Variants in FRMD4A observed in about 807,000 individuals in gnomAD.
The protein encoded by FRMD4A is FERM domain-containing protein 4A.
In FRMD4A, 29 loss-of-function variants were observed where a neutral mutation model predicts 129.1. The ratio of observed to expected loss-of-function variants is 0.22; its 90% CI spans 0.17 to 0.31. The LOEUF is 0.31. Ranked by LOEUF, FRMD4A falls within the 10% of genes least tolerant of loss-of-function variation. The probability of loss-of-function intolerance (pLI) is 1.00; values close to 1 mark genes in which losing one functional copy is unlikely to be tolerated. For missense variants in FRMD4A, 1,272 were observed against 1,375.8 expected, an observed-to-expected ratio of 0.92 and a Z score of 1.19; for synonymous variants, 634 against 571.6, an observed-to-expected ratio of 1.11 and a Z score of -1.56.
intron 2 of FRMD4A, among the ~76,000 whole-genome samples, chr10:14,259,116 A>G (rs1298815180): frequency 6.6e-6 from 1 of 152,172 alleles, no homozygotes; most frequent in Non-Finnish European, 1.5e-5. Context: ...CTCTTCAAAA[A>G]CTGTATACTT....
intron 6 of FRMD4A, among the ~76,000 whole-genome samples, chr10:13,781,697 G>T (rs916409531): frequency 2.0e-5 from 3 of 152,082 alleles, no homozygotes; most frequent in African/African-American, 7.2e-5. Flanking sequence ...GAACCTTGAG[G>T]CCATTATGCT....
At chr10:13,899,653 AC>A (rs2094797202) in intron 2 of FRMD4A, among the ~76,000 whole-genome samples, 3 of 152,188 alleles carry the variant, frequency 2.0e-5, no homozygotes, top group Non-Finnish European at 4.4e-5. Context: ...CCAGAGCGAG[AC>A]CCTGTCTCTA....
At chr10:14,110,812 G>T (rs1181196940) in intron 2 of FRMD4A, among the ~76,000 whole-genome samples, 1 of 151,936 alleles carries the variant, frequency 6.6e-6, no homozygotes, top group South Asian at 2.1e-4. Context: ...AAATTTTTTA[G>T]TTCTGTGTAT....
At chr10:13,841,192 T>C (rs922610345) in intron 3 of FRMD4A, among the ~76,000 whole-genome samples, 8 of 152,202 alleles carry the variant, frequency 5.3e-5, no homozygotes, top group African/African-American at 1.7e-4. Flanking sequence ...CATTAACTTT[T>C]GTCTTGTTTC....
At chr10:13,654,811 G>A (rs74123084) in intron 22 of FRMD4A, 14,347 of 460,392 alleles carry the variant, frequency 0.031, 1,095 homozygotes, top group African/African-American at 0.19. Flanking sequence ...GCCACCAGGA[G>A]GTAGGCATAG....
chr10:14,326,949 G>A (rs772810545), intron 2 of FRMD4A: 2 of 398,562 alleles, frequency 5.0e-6, no homozygotes, highest in Non-Finnish European at 8.8e-6. Flanking sequence ...TTCTCTCCAA[G>A]TCCCCCCTTC....
intron 2 of FRMD4A, among the ~76,000 whole-genome samples, chr10:14,300,210 T>A (rs1250210785): frequency 6.6e-6 from 1 of 152,108 alleles, no homozygotes; most frequent in Admixed American, 6.5e-5. Context: ...AGTCCCCAGG[T>A]CTTCTCCAGG....
intron 6 of FRMD4A, among the ~76,000 whole-genome samples, chr10:13,767,197 T>G (rs1433100705): frequency 6.6e-6 from 1 of 152,158 alleles, no homozygotes; most frequent in South Asian, 2.1e-4. Context: ...AAAATGACTC[T>G]CCCTTTTCCT....
rs1001888445 is a variant in FRMD4A, at chr10:14,168,931, C to T, written c.45+161127G>A. Among the ~76,000 whole-genome samples, 4 of 149,346 alleles carry T rather than the reference C, an allele frequency of 2.7e-5. No individual in the cohort carries two copies. In the East Asian group the frequency reaches 7.9e-4, roughly 30 times the overall value. ...AAATAAACTGTCCTGTAGCCCTCAA[C>T]AGTCTTCCCGTAATTCACAGATGCC... On this transcript the variant is annotated intron_variant, in intron 2 of 24. Coordinates refer to ENST00000357447, the MANE Select transcript of FRMD4A (RefSeq NM_018027.5).
At chr10:13,714,900 G>A (rs577214186) in intron 12 of FRMD4A, among the ~76,000 whole-genome samples, 2 of 151,902 alleles carry the variant, frequency 1.3e-5, no homozygotes, top group South Asian at 2.1e-4. Context: ...TTAGCTGGGC[G>A]TGGTGGCTCA....
At chr10:14,312,853 G>A (rs1016282377) in intron 2 of FRMD4A, among the ~76,000 whole-genome samples, 2 of 151,744 alleles carry the variant, frequency 1.3e-5, no homozygotes, top group African/African-American at 4.8e-5. Context: ...GCAACAGAGT[G>A]AGACCCTGTC....
chr10:13,944,220 T>G (rs2095315143), intron 2 of FRMD4A, among the ~76,000 whole-genome samples: 1 of 152,130 alleles, frequency 6.6e-6, no homozygotes, highest in South Asian at 2.1e-4. Flanking sequence ...CACTCCCCAT[T>G]GCTCACATTA....
intron 12 of FRMD4A, among the ~76,000 whole-genome samples, chr10:13,711,047 C>A (rs1589490523): frequency 6.6e-6 from 1 of 152,090 alleles, no homozygotes. Flanking sequence ...GTCCCAGGAA[C>A]AGAAGAGAAG....
At chr10:14,216,125 T>G (rs1183516548) in intron 2 of FRMD4A, among the ~76,000 whole-genome samples, 1 of 152,154 alleles carries the variant, frequency 6.6e-6, no homozygotes, top group African/African-American at 2.4e-5. Flanking sequence ...CCCCACCAGC[T>G]TTGTACAAAC....
intron 2 of FRMD4A, among the ~76,000 whole-genome samples, chr10:14,263,451 A>T (rs1844873734): frequency 6.6e-6 from 1 of 152,120 alleles, no homozygotes. Context: ...AATTTCAAGA[A>T]GTGCATCCAT....
At chr10:13,734,640 G>A (rs1322927331) in intron 12 of FRMD4A, among the ~76,000 whole-genome samples, 1 of 126,076 alleles carries the variant, frequency 7.9e-6, no homozygotes, top group Non-Finnish European at 1.8e-5. Flanking sequence ...CCTCTGTGGG[G>A]ACTTCTCTTC....
chr10:13,816,443 C>T (rs567156321), intron 3 of FRMD4A, among the ~76,000 whole-genome samples: 5 of 152,302 alleles, frequency 3.3e-5, no homozygotes, highest in Admixed American at 1.3e-4. Context: ...GTCACAGAGA[C>T]ATTGGGGGTT....
chr10:14,145,081 A>G (rs1332759513), intron 2 of FRMD4A, among the ~76,000 whole-genome samples: 2 of 152,226 alleles, frequency 1.3e-5, no homozygotes, highest in African/African-American at 2.4e-5. Context: ...GGAGAATGGC[A>G]TTACCATGAG....
chr10:13,907,488 C>T (rs921898727), intron 2 of FRMD4A, among the ~76,000 whole-genome samples: 1 of 152,044 alleles, frequency 6.6e-6, no homozygotes, highest in African/African-American at 2.4e-5. Flanking sequence ...ACGGCGGGTC[C>T]CAGATCAGAC....
Sources: gnomAD v4.1 joint callset for allele counts (sites outside exome capture counted in the v4.1 genomes callset) on GRCh38, gnomAD v4.1.1 for gene constraint, MANE v1.5 for transcripts, NCBI Gene and HGNC (gene_info 2026-07-23, HGNC 2026-07-21) for gene names.